Variants in TMEM132D observed in about 807,000 individuals in gnomAD.
TMEM132D encodes transmembrane protein 132D.
A neutral mutation model predicts 62.3 loss-of-function variants in TMEM132D; 21 were observed. The observed-to-expected ratio is 0.34, with a 90% CI of 0.24 to 0.49. TMEM132D has a LOEUF of 0.49. Among genes scored for constraint, TMEM132D ranks in the 20% least tolerant of loss-of-function variants. The pLI is 0.99. For synonymous variants in TMEM132D, 621 were observed against 575.6 expected, an observed-to-expected ratio of 1.08 and a Z score of -1.13; for missense variants, 1,346 against 1,402.8, an observed-to-expected ratio of 0.96 and a Z score of 0.65.
At chr12:129,731,498 G>C (rs1023158407) in intron 1 of TMEM132D, among the ~76,000 whole-genome samples, 10 of 152,106 alleles carry the variant, frequency 6.6e-5, no homozygotes, top group Non-Finnish European at 8.8e-5. Context: ...AAGGGAGGAA[G>C]TAACCAAGGG....
chr12:129,460,040 CTTTTCTT>C (rs1220842519), intron 3 of TMEM132D, among the ~76,000 whole-genome samples: 1 of 152,150 alleles, frequency 6.6e-6, no homozygotes, highest in Non-Finnish European at 1.5e-5. Flanking sequence ...AGTGTATTAG[CTTTTCTT>C]TTATCAGCAA....
At chr12:129,509,558 A>G (rs772428980) in intron 3 of TMEM132D, among the ~76,000 whole-genome samples, 1 of 152,124 alleles carries the variant, frequency 6.6e-6, no homozygotes, top group Non-Finnish European at 1.5e-5. Context: ...GCTATCAAAT[A>G]TTAGGTCTTA....
intron 1 of TMEM132D, among the ~76,000 whole-genome samples, chr12:129,786,623 G>A (rs11060552): frequency 0.023 from 3,555 of 152,290 alleles, 119 homozygotes; most frequent in East Asian, 0.15. Flanking sequence ...AGGCATGATA[G>A]CTCACGCCTG....
At chr12:129,529,004 GCA>G in intron 3 of TMEM132D, among the ~76,000 whole-genome samples, 1 of 152,228 alleles carries the variant, frequency 6.6e-6, no homozygotes, top group Admixed American at 6.5e-5. Flanking sequence ...TGTTCTATAT[GCA>G]TATATAATAT....
intron 2 of TMEM132D, among the ~76,000 whole-genome samples, chr12:129,664,170 G>C (rs1880314850): frequency 1.3e-5 from 2 of 152,142 alleles, no homozygotes; most frequent in Non-Finnish European, 2.9e-5. Flanking sequence ...CGACTCACTA[G>C]AGCAATCTTC....
intron 2 of TMEM132D, among the ~76,000 whole-genome samples, chr12:129,572,559 G>T (rs155691): frequency 3.3e-5 from 5 of 151,898 alleles, no homozygotes; most frequent in Non-Finnish European, 7.4e-5. Context: ...AGCAATTCTC[G>T]TGCCTCAGCC....
At chr12:129,734,646 A>C (rs554257470) in intron 1 of TMEM132D, among the ~76,000 whole-genome samples, 267 of 152,324 alleles carry the variant, frequency 1.8e-3, no homozygotes, top group African/African-American at 5.4e-3. Flanking sequence ...GATTATAATC[A>C]AAATACTTAT....
intron 2 of TMEM132D, among the ~76,000 whole-genome samples, chr12:129,645,009 A>T (rs953666013): frequency 1.3e-5 from 2 of 151,172 alleles, no homozygotes; most frequent in Non-Finnish European, 2.9e-5. Flanking sequence ...AAAAAAAAAA[A>T]ATTAACCCAA....
At position 129,074,523 on chromosome 12, in the gene TMEM132D, G is replaced by A. The variant is rs769240427; in HGVS notation, c.2652C>T (p.Asp884=). 1 of 1,614,090 alleles carries A rather than the reference G, an allele frequency of 6.2e-7. No homozygotes were observed. Among genetic ancestry groups the A allele is most frequent in the East Asian group, 2.2e-5 (1 of 44,852 alleles). Residue 884 remains aspartate (D), a synonymous_variant, in exon 9 of 9, where the codon GAC becomes GAT. Transcript: ENST00000422113. The part of the protein sequence containing the change: ...DNSHLQTIPS[D]LTSFPAQVDL... ...CCACCTGGGCTGGGAAGCTGGTGAG[G>A]TCGCTGGGGATGGTCTGCAAGTGGC...
At chr12:129,330,110 G>A (rs1869055871) in intron 4 of TMEM132D, among the ~76,000 whole-genome samples, 1 of 152,128 alleles carries the variant, frequency 6.6e-6, no homozygotes, top group African/African-American at 2.4e-5. Context: ...AAGGAGGGAA[G>A]AGATTCCTTA....
intron 3 of TMEM132D, among the ~76,000 whole-genome samples, chr12:129,450,083 A>C (rs1343810889): frequency 2.6e-5 from 4 of 152,076 alleles, no homozygotes; most frequent in Non-Finnish European, 5.9e-5. Flanking sequence ...CGTAAATTTA[A>C]GTTCCTTATA....
At chr12:129,711,600 G>A (rs1881646013) in intron 1 of TMEM132D, among the ~76,000 whole-genome samples, 1 of 151,772 alleles carries the variant, frequency 6.6e-6, no homozygotes, top group South Asian at 2.1e-4. Flanking sequence ...GGTGGCGCAG[G>A]CCTGTAATCC....
Position 129,074,577 on chromosome 12 carries a change from T to C in TMEM132D, c.2598A>G (p.Lys866=), listed in dbSNP as rs1193571618. 6.2e-7 allele frequency: 1 copy of C among 1,614,068 alleles called. No individual in the cohort carries two copies. The highest frequency in any genetic ancestry group is 2.2e-5 in the East Asian group (1 of 44,850). ...TGTCATCTAAAAGGCTTTCCTGGCC[T>C]TTCTTCTTCTGCAGGATGGACCTGT... ...TTDRSILQKK[K]GQESLLDDNS... is the part of the protein sequence containing the mutation. Residue 866 remains lysine, a synonymous_variant, in exon 9 of 9, where the codon AAA becomes AAG. Transcript: ENST00000422113.
chr12:129,783,419 T>A (rs2137292585), intron 1 of TMEM132D, among the ~76,000 whole-genome samples: 1 of 152,310 alleles, frequency 6.6e-6, no homozygotes, highest in Admixed American at 6.5e-5. Context: ...ATTAATAAAT[T>A]CCTTTGCCAC....
intron 5 of TMEM132D, among the ~76,000 whole-genome samples, chr12:129,157,004 A>G (rs1434134519): frequency 6.6e-6 from 1 of 152,170 alleles, no homozygotes; most frequent in African/African-American, 2.4e-5. Flanking sequence ...CACTCTCATG[A>G]TAATCAACCC....
chr12:129,314,644 T>C (rs764699436), intron 4 of TMEM132D, among the ~76,000 whole-genome samples: 2 of 152,240 alleles, frequency 1.3e-5, no homozygotes, highest in Non-Finnish European at 2.9e-5. Context: ...TTGTTTTTTC[T>C]AATTCTGTGA....
At chr12:129,221,115 T>C (rs933497549) in intron 4 of TMEM132D, among the ~76,000 whole-genome samples, 2 of 152,240 alleles carry the variant, frequency 1.3e-5, no homozygotes, top group African/African-American at 4.8e-5. Flanking sequence ...GCCACTAAAA[T>C]GTACGGGTCA....
intron 3 of TMEM132D, among the ~76,000 whole-genome samples, chr12:129,496,567 T>C (rs1421087318): frequency 2.6e-5 from 4 of 152,106 alleles, no homozygotes; most frequent in African/African-American, 9.7e-5. Flanking sequence ...GTTCCAAAGA[T>C]GGTAATAGGC....
chr12:129,685,953 C>T lies in TMEM132D; in HGVS notation c.968+13857G>A, dbSNP rs888706306. Among the ~76,000 whole-genome samples the T allele has an allele frequency of 5.3e-5, 8 of 152,260 alleles. No homozygotes were observed. In the East Asian group the frequency reaches 1.4e-3, roughly 26 times the overall value. On this transcript the variant is annotated intron_variant, in intron 2 of 8. Transcript: ENST00000422113. Reference sequence around the variant, plus strand: ...AGCTCCTTTGTTTTGACCAGTTTCTCCCATTTGGAACAGGTGTATTTATCC... The same window carrying T: ...AGCTCCTTTGTTTTGACCAGTTTCTTCCATTTGGAACAGGTGTATTTATCC...
Sources: gnomAD v4.1 joint callset for allele counts (sites outside exome capture counted in the v4.1 genomes callset) on GRCh38, gnomAD v4.1.1 for gene constraint, MANE v1.5 for transcripts, NCBI Gene and HGNC (gene_info 2026-07-23, HGNC 2026-07-21) for gene names.